The following CABLES2 variants were observed in gnomAD, a reference collection of about 807,000 sequenced individuals.
The protein encoded by CABLES2 is CDK5 and ABL1 enzyme substrate 2.
A neutral mutation model predicts 44.8 loss-of-function variants in CABLES2; 35 were observed. The ratio of observed to expected loss-of-function variants is 0.78; its 90% CI spans 0.60 to 1.04. The LOEUF is 1.04. Ranked by LOEUF, CABLES2 falls within the 50% of genes least tolerant of loss-of-function variation. The pLI is 0.00. For synonymous variants in CABLES2, 282 were observed against 281.1 expected (o/e 1.00, Z -0.03); for missense variants, 566 against 615.7 (o/e 0.92, Z 0.85).
Position 62,392,990 on chromosome 20 carries a change from G to C in CABLES2, c.914C>G (p.Pro305Arg), listed in dbSNP as rs1429937106. 1 of 1,614,024 alleles carries C rather than the reference G, an allele frequency of 6.2e-7. No individual in the cohort carries two copies. ...SDVGDTLEYN[P>R]NLLDDPQWPC... The stretch of plus-strand genomic sequence containing the variant: ...CCACTGCGGGTCATCCAGGAGGTTG[G>C]GGTTGTACTCCAGGGTGTCCCCCAC... Residue 305 changes from proline to arginine, a missense_variant, in exon 7 of 10, where the codon CCC (proline) becomes CGC (arginine). By Grantham distance (103) the Pro-to-Arg change is moderately radical. Around this residue, in one of 2 missense-constraint regions of CABLES2, gnomAD observed 436 missense variants for 536.3 expected, o/e 0.81. Transcript: ENST00000279101.
chr20:62,402,071 G>A (rs374283906), intron 1 of CABLES2, among the ~76,000 whole-genome samples: 2 of 152,194 alleles, frequency 1.3e-5, no homozygotes, highest in Non-Finnish European at 1.5e-5. Context: ...CCCCCACGTG[G>A]CAGTGACCAG....
chr20:62,394,486 T>C (rs1987979440), intron 4 of CABLES2, among the ~76,000 whole-genome samples: 1 of 152,338 alleles, frequency 6.6e-6, no homozygotes, highest in Non-Finnish European at 1.5e-5. Context: ...AGACACTGGC[T>C]GGTAGAGCCC....
At chr20:62,406,873 G>C (rs1047848792) in intron 1 of CABLES2, 42 bp downstream of exon 1, 3 of 1,108,064 alleles carry the variant, frequency 2.7e-6, no homozygotes, top group Non-Finnish European at 3.4e-6. Context: ...CCCCGTCCCT[G>C]TACCCCGCGT....
rs1987845689 is a variant in CABLES2, at chr20:62,388,728, C to T, written c.*2243G>A. The stretch of plus-strand genomic sequence containing the variant: ...CAAACATTCTGAGGTCTGATACTTG[C>T]TTATGCACACTGACATCCACAACTG... On this transcript the variant is annotated 3_prime_UTR_variant, in exon 10 of 10. Transcript: ENST00000279101. 1 of 544,792 alleles carries T rather than the reference C, an allele frequency of 1.8e-6. No homozygotes were observed. Among genetic ancestry groups the T allele is most frequent in the Non-Finnish European group, 3.3e-6 (1 of 306,640 alleles). The allele number at this position is 544,792 out of a possible 1,614,324, so 33.7% of individuals were successfully genotyped here. A position where few individuals can be genotyped will look rare whatever the true frequency, so the allele number is the denominator to read the frequency against.
At position 62,393,499 on chromosome 20, in the gene CABLES2, A is replaced by G. The variant is rs1323978648; in HGVS notation, c.821T>C (p.Leu274Pro). 12 of 1,613,340 alleles carry G rather than the reference A, an allele frequency of 7.4e-6. No homozygotes were observed. The Admixed American group carries it at 1.0e-4, about 13-fold the overall frequency. ...GGCAGGTTTATGTCTTGACCCTGGCAGAGTCCGGGGGACACTGGGCCGAGG... is the reference window on the plus strand; with the variant it reads ...GGCAGGTTTATGTCTTGACCCTGGCGGAGTCCGGGGGACACTGGGCCGAGG... ...PTPRPSVPRT[L>P]PGSRHKPAPT... Residue 274 changes from leucine to proline, a missense_variant, in exon 6 of 10, where the codon CTG becomes CCG. Physicochemically the swap from Leu to Pro is moderately conservative, Grantham distance 98. This residue lies in a region of CABLES2 where 436 missense variants were observed against 536.3 expected (regional missense o/e 0.81). Coordinates refer to ENST00000279101, the MANE Select transcript of CABLES2 (RefSeq NM_031215.3).
chr20:62,390,995 G>A lies in CABLES2; in HGVS notation c.1413C>T (p.Tyr471=). The change falls in exon 10 of 10, where the codon TAC becomes TAT. Residue 471 remains tyrosine (Y), a synonymous_variant. Coordinates refer to ENST00000279101, the MANE Select transcript of CABLES2 (RefSeq NM_031215.3). ...YLPENQVLPH[Y]RRLTQQF is the part of the protein sequence containing the mutation. Reference sequence around the variant, plus strand: ...GCTAGAACTGCTGGGTGAGGCGCCTGTAATGAGGTAACACTTGGTTCTCGG... The same window carrying A: ...GCTAGAACTGCTGGGTGAGGCGCCTATAATGAGGTAACACTTGGTTCTCGG... 6.2e-7 allele frequency: 1 copy of A among 1,614,126 alleles called. No homozygotes were observed. Among genetic ancestry groups the A allele is most frequent in the Non-Finnish European group, 8.5e-7 (1 of 1,180,024 alleles).
At chr20:62,401,386 C>T (rs537541209) in intron 1 of CABLES2, among the ~76,000 whole-genome samples, 1 of 152,336 alleles carries the variant, frequency 6.6e-6, no homozygotes, top group Admixed American at 6.5e-5. Context: ...CAACTCCACG[C>T]ATCACCGCAG....
chr20:62,392,895 C>T, intron 7 of CABLES2, 25 bp downstream of exon 7: 1 of 1,599,366 alleles, frequency 6.3e-7, no homozygotes, highest in Non-Finnish European at 8.6e-7. Flanking sequence ...CTGCCTGCAC[C>T]CAGGCCCTGG....
chr20:62,398,082 GTGGTGACGGTGGTGGTGGTGGTGA>G (rs1569017540), intron 1 of CABLES2, among the ~76,000 whole-genome samples: 3 of 82,152 alleles, frequency 3.7e-5, no homozygotes, highest in East Asian at 2.8e-4. Context: ...GGTGGTGGTG[GTGGTGACGGTGGTGGTGGTGGTGA>G]TGGTGGTGGT....
In CABLES2 at chr20:62,396,516, T is replaced by C. The variant is rs761008721; in HGVS notation, c.434+5A>G. On this transcript the variant is annotated splice_donor_5th_base_variant and intron_variant, in intron 2 of 9. Transcript: ENST00000279101. This position sits in a 1 kb window ranked among gnomAD's most constrained non-coding sequence, Gnocchi z 5.7. ...GTAGAGCTCGGGGCGGACGGGGGCG[T>C]GTACCTCTGTGCTGGAGCGCATCCC... is the stretch of plus-strand genomic sequence containing the variant. 1 of 1,613,726 alleles carries C rather than the reference T, an allele frequency of 6.2e-7. No individual in the cohort carries two copies. Among genetic ancestry groups the C allele is most frequent in the Non-Finnish European group, 8.5e-7 (1 of 1,179,938 alleles).
Position 62,406,822 on chromosome 20 carries a change from A to G in CABLES2, c.362+93T>C, listed in dbSNP as rs1393485525. 1.1e-5 allele frequency: 8 copies of G among 703,198 alleles called. No individual in the cohort carries two copies. The South Asian group carries it at 2.0e-4, about 18-fold the overall frequency. 43.6% of individuals were successfully genotyped at this position (703,198 alleles called of 1,614,324 possible). A position where few individuals can be genotyped will look rare whatever the true frequency, so the allele number is the denominator to read the frequency against. On this transcript the variant is annotated intron_variant, in intron 1 of 9. Coordinates refer to ENST00000279101, the MANE Select transcript of CABLES2 (RefSeq NM_031215.3). ...CTTGTCCTGGGCTGATGAGGCCCCA[A>G]GTAATCCTGACCCCTAGTCCTGGGC... is the stretch of plus-strand genomic sequence containing the variant.
intron 1 of CABLES2, chr20:62,404,325 A>C (rs1200932236): frequency 6.6e-6 from 1 of 152,286 alleles, no homozygotes; most frequent in Admixed American, 6.5e-5. Flanking sequence ...TGAGGCTCAG[A>C]GAGGCCATGT....
At chr20:62,399,141 G>T (rs774287744) in intron 1 of CABLES2, among the ~76,000 whole-genome samples, 7 of 152,162 alleles carry the variant, frequency 4.6e-5, no homozygotes, top group Non-Finnish European at 7.3e-5. Flanking sequence ...GTAGAGATGG[G>T]GTTTCACCAT....
In CABLES2 at chr20:62,388,944, A is replaced by G. The variant is rs1987853913; in HGVS notation, c.*2027T>C. ...GCTTTTGGCATCATAAAAATGGGAC[A>G]TAACTGAAGGGAAGGCTTCACACAT... On this transcript the variant is annotated 3_prime_UTR_variant, in exon 10 of 10. Coordinates refer to ENST00000279101, the MANE Select transcript of CABLES2 (RefSeq NM_031215.3). 5.7e-6 allele frequency: 1 copy of G among 174,658 alleles called. No individual in the cohort carries two copies. The highest frequency in any genetic ancestry group is 1.2e-5 in the Non-Finnish European group (1 of 81,192). 10.8% of individuals were successfully genotyped at this position (174,658 alleles called of 1,614,324 possible).
In CABLES2 at chr20:62,407,066, G is replaced by T. The variant is rs952349966; in HGVS notation, c.211C>A (p.Pro71Thr). Residue 71 changes from proline to threonine, a missense_variant, in exon 1 of 10, where the codon CCC becomes ACC. This residue lies in a region of CABLES2 where 130 missense variants were observed against 79.4 expected (regional missense o/e 1.64). Transcript: ENST00000279101. ...PPSLGPGGEK[P>T]PPPPAEAREP... is the part of the protein sequence containing the mutation. ...CGGGCCTCGGCGGGCGGCGGCGGGGGCTTCTCTCCGCCCGGGCCCAGGCTC... is the reference window on the plus strand; with the variant it reads ...CGGGCCTCGGCGGGCGGCGGCGGGGTCTTCTCTCCGCCCGGGCCCAGGCTC... The T allele has an allele frequency of 6.5e-6, 7 of 1,074,172 alleles. No homozygotes were observed. Among genetic ancestry groups the T allele is most frequent in the African/African-American group, 5.1e-5 (3 of 59,000 alleles). 66.5% of individuals were successfully genotyped at this position (1,074,172 alleles called of 1,614,324 possible).
At chr20:62,401,315 A>G (rs1343957430) in intron 1 of CABLES2, among the ~76,000 whole-genome samples, 1 of 152,232 alleles carries the variant, frequency 6.6e-6, no homozygotes, top group African/African-American at 2.4e-5. Context: ...CTCTGCCTCC[A>G]CGGGAGCTGG....
intron 1 of CABLES2, chr20:62,405,789 A>C (rs1988271741): frequency 6.6e-6 from 1 of 152,280 alleles, no homozygotes. Context: ...GCCTCTGGGA[A>C]CAGCCGCCCA....
intron 4 of CABLES2, 142 bp downstream of exon 4, chr20:62,394,795 G>C (rs1269128809): frequency 1.4e-6 from 1 of 692,342 alleles, no homozygotes; most frequent in Non-Finnish European, 2.4e-6. Context: ...GCTGGAGGTT[G>C]ACATGCTGAG....
chr20:62,391,275 T>TG lies in CABLES2; in HGVS notation c.1269dup (p.Lys424GlnfsTer10), dbSNP rs1487757561. ...TCGATGAGCTGCGTCACGCCGCTCT[T>TG]GCGCAGGTCACTGCTGATCTTGGCA... On this transcript the variant is annotated frameshift_variant, in exon 9 of 10. Transcript: ENST00000279101. LOFTEE classifies it high-confidence loss of function. The surrounding 1 kb of genome is among the most constrained non-coding windows in gnomAD (Gnocchi z 5.7). 1.2e-6 allele frequency: 2 copies of TG among 1,612,020 alleles called. No homozygotes were observed. Among genetic ancestry groups the TG allele is most frequent in the Non-Finnish European group, 1.7e-6 (2 of 1,179,592 alleles).
Sources: gnomAD v4.1 joint callset for allele counts (sites outside exome capture counted in the v4.1 genomes callset) on GRCh38, gnomAD v4.1.1 for gene constraint, gnomAD v4.1.1 regional missense constraint, Gnocchi (gnomAD v3.1) non-coding constraint, MANE v1.5 for transcripts, NCBI Gene and HGNC (gene_info 2026-07-23, HGNC 2026-07-21) for gene names.